The following BRAF variants were observed in gnomAD, a reference collection of about 807,000 sequenced individuals.
BRAF encodes the protein serine/threonine-protein kinase B-raf.
BRAF carries 16 observed loss-of-function variants against 104.6 expected under a neutral mutation model. The ratio of observed to expected loss-of-function variants is 0.15; its 90% confidence interval spans 0.10 to 0.23. The LOEUF is 0.23. BRAF is among the 10% of genes least tolerant of loss of function. The pLI is 1.00. For missense variants in BRAF, 541 were observed against 937.3 expected (o/e 0.58, Z 5.52); for synonymous variants, 310 against 341.6 (o/e 0.91, Z 1.02).
chr7:140,723,397 A>AT lies in BRAF; in HGVS notation c.*3096dup. ...ATATAGCATATATCATTTGTATGGG[A>AT]TTTTATCTTCTAAAATGCCCCAGTA... On this transcript the variant is annotated 3_prime_UTR_variant, in exon 20 of 20. Transcript: ENST00000644969. The AT allele has an allele frequency of 9.5e-7, 1 of 1,054,446 alleles. No individual in the cohort carries two copies. The highest frequency in any genetic ancestry group is 1.1e-6 in the Non-Finnish European group (1 of 872,794). The allele number at this position is 1,054,446 out of a possible 1,614,324, so 65.3% of individuals were successfully genotyped here. A position where few individuals can be genotyped will look rare whatever the true frequency, so the allele number is the denominator to read the frequency against.
Position 140,924,525 on chromosome 7 carries a change from G to A in BRAF, c.138+41C>T, listed in dbSNP as rs1471504412. 6.5e-7 allele frequency: 1 copy of A among 1,533,320 alleles called. No homozygotes were observed. The highest frequency in any genetic ancestry group is 2.4e-5 in the East Asian group (1 of 40,980). 95.0% of individuals were successfully genotyped at this position (1,533,320 alleles called of 1,614,324 possible). Reference sequence around the variant, plus strand: ...AAAATAAACACCAGCCAGCCGCCGAGCCCGGAGTCGGGAGGGCGGCAGGGT... The same window carrying A: ...AAAATAAACACCAGCCAGCCGCCGAACCCGGAGTCGGGAGGGCGGCAGGGT... On this transcript the variant is annotated intron_variant, in intron 1 of 19. Coordinates refer to ENST00000644969, the MANE Select transcript of BRAF (RefSeq NM_001374258.1). The surrounding 1 kb of genome is among the most constrained non-coding windows in gnomAD (Gnocchi z 4.2).
At chr7:140,800,087 A>G in intron 7 of BRAF, 1 of 474,172 alleles carries the variant, frequency 2.1e-6, no homozygotes, top group Non-Finnish European at 3.9e-6. Context: ...GAGATCCAAA[A>G]GAAAGCAGTT....
intron 14 of BRAF, among the ~76,000 whole-genome samples, chr7:140,754,499 C>T (rs764191322): frequency 1.3e-5 from 2 of 152,088 alleles, no homozygotes; most frequent in African/African-American, 2.4e-5. Context: ...CAATACAAAC[C>T]TTTCACTCCA....
intron 13 of BRAF, among the ~76,000 whole-genome samples, chr7:140,777,550 T>C (rs1385842673): frequency 6.6e-6 from 1 of 152,198 alleles, no homozygotes; most frequent in Non-Finnish European, 1.5e-5. Flanking sequence ...GAACTAAATA[T>C]CCTCAGTTCT....
At chr7:140,864,774 G>C (rs963497212) in intron 1 of BRAF, among the ~76,000 whole-genome samples, 6 of 152,142 alleles carry the variant, frequency 3.9e-5, no homozygotes, top group African/African-American at 1.2e-4. Context: ...AGATGTATTG[G>C]GGCTGGGAGA....
chr7:140,713,875 C>T, the BRAF span, among the ~76,000 whole-genome samples: 6 of 152,172 alleles, frequency 3.9e-5, no homozygotes, highest in Non-Finnish European at 5.9e-5. Flanking sequence ...GAGGTCCACT[C>T]CAGACCCTGT....
chr7:140,797,659 T>C (rs949574517), intron 7 of BRAF, among the ~76,000 whole-genome samples: 1 of 152,218 alleles, frequency 6.6e-6, no homozygotes, highest in African/African-American at 2.4e-5. Flanking sequence ...AATTTTAAGA[T>C]AGCATTCCTT....
chr7:140,761,939 G>A (rs1798780742), intron 14 of BRAF, among the ~76,000 whole-genome samples: 1 of 152,072 alleles, frequency 6.6e-6, no homozygotes, highest in South Asian at 2.1e-4. Context: ...CAATAATAAT[G>A]GGAGACTTTA....
intron 1 of BRAF, among the ~76,000 whole-genome samples, chr7:140,909,263 TAA>T: frequency 6.6e-6 from 1 of 151,932 alleles, no homozygotes; most frequent in Non-Finnish European, 1.5e-5. Flanking sequence ...CCGTCTCTAA[TAA>T]AAATACAAAA....
chr7:140,795,398 A>T (rs1239097110), intron 7 of BRAF, among the ~76,000 whole-genome samples: 1 of 152,220 alleles, frequency 6.6e-6, no homozygotes, highest in Admixed American at 6.5e-5. Context: ...ATCAGGACCA[A>T]TGAATGGCTA....
At chr7:140,758,707 G>A (rs549871154) in intron 14 of BRAF, among the ~76,000 whole-genome samples, 7 of 152,254 alleles carry the variant, frequency 4.6e-5, no homozygotes, top group Admixed American at 2.6e-4. Context: ...CTCCCACCTC[G>A]GCCTCCCGAA....
At chr7:140,851,886 T>C (rs188741399) in intron 1 of BRAF, among the ~76,000 whole-genome samples, 1 of 152,374 alleles carries the variant, frequency 6.6e-6, no homozygotes, top group East Asian at 1.9e-4. Flanking sequence ...CTCCCTTTTA[T>C]TCTATTGAGT....
intron 1 of BRAF, among the ~76,000 whole-genome samples, chr7:140,858,664 T>A (rs1810065328): frequency 6.6e-6 from 1 of 152,136 alleles, no homozygotes; most frequent in Non-Finnish European, 1.5e-5. Flanking sequence ...ACCATGGAAA[T>A]CTGAACACAT....
At chr7:140,737,938 T>G (rs368253217) in intron 18 of BRAF, among the ~76,000 whole-genome samples, 2 of 152,194 alleles carry the variant, frequency 1.3e-5, no homozygotes, top group African/African-American at 4.8e-5. Flanking sequence ...ATTTTGCCCC[T>G]TTTAATATCA....
chr7:140,836,108 G>T (rs922099147), intron 2 of BRAF: 2 of 152,132 alleles, frequency 1.3e-5, no homozygotes. Flanking sequence ...CAAAGAGTTT[G>T]TTTTTTCTGT....
chr7:140,913,604 T>A (rs1420266264), intron 1 of BRAF, among the ~76,000 whole-genome samples: 1 of 145,302 alleles, frequency 6.9e-6, no homozygotes, highest in Non-Finnish European at 1.5e-5. Context: ...TGCCTCAGCC[T>A]CCAGAGTAGC....
chr7:140,912,795 G>A lies in BRAF; in HGVS notation c.138+11771C>T, dbSNP rs188753599. On this transcript the variant is annotated intron_variant, in intron 1 of 19. Transcript: ENST00000644969. The stretch of plus-strand genomic sequence containing the variant: ...ACTCCTCACCTCGGGTGATCTGCCC[G>A]CCTCGGCCTCCCAAAGTGCTGGGAT... 1.2e-4 allele frequency among the ~76,000 whole-genome samples: 19 copies of A among 152,250 alleles called. No homozygotes were observed. The East Asian group carries it at 1.7e-3, about 14-fold the overall frequency.
intron 5 of BRAF, among the ~76,000 whole-genome samples, chr7:140,802,065 C>T (rs1406936335): frequency 2.0e-5 from 3 of 151,858 alleles, no homozygotes; most frequent in Admixed American, 1.3e-4. Flanking sequence ...GAGCTAATTC[C>T]TTATACAATC....
chr7:140,767,965 G>C (rs1449312708), intron 14 of BRAF, among the ~76,000 whole-genome samples: 1 of 152,100 alleles, frequency 6.6e-6, no homozygotes, highest in Non-Finnish European at 1.5e-5. Flanking sequence ...GAACATAGTT[G>C]GCATAAAGAA....
Sources: allele counts gnomAD v4.1 joint callset (sites outside exome capture counted in the v4.1 genomes callset), GRCh38; gene constraint gnomAD v4.1.1; non-coding constraint Gnocchi (gnomAD v3.1); transcripts MANE v1.5; gene names NCBI Gene and HGNC (gene_info 2026-07-23, HGNC 2026-07-21).